Variants in NRG1 observed in about 807,000 individuals in gnomAD.
NRG1 encodes pro-neuregulin-1, membrane-bound isoform.
NRG1 carries 18 observed loss-of-function variants against 63.8 expected under a neutral mutation model. That is an observed-to-expected ratio of 0.28 (90% CI 0.19 to 0.42). The LOEUF is 0.42. Ranked by LOEUF, NRG1 falls within the 10% of genes least tolerant of loss-of-function variation. NRG1 has a pLI of 1.00. For missense variants in NRG1, 762 were observed against 814.7 expected (o/e 0.94, Z 0.79); for synonymous variants, 302 against 301.3 (o/e 1.00, Z -0.02).
At chr8:31,845,739 G>T (rs901389662) in intron 1 of NRG1, among the ~76,000 whole-genome samples, 5 of 152,140 alleles carry the variant, frequency 3.3e-5, no homozygotes, top group African/African-American at 1.2e-4. Context: ...ATACATTTGA[G>T]ACACATTTTC....
intron 1 of NRG1, among the ~76,000 whole-genome samples, chr8:32,433,759 T>G (rs1818453630): frequency 6.6e-6 from 1 of 152,154 alleles, no homozygotes; most frequent in Non-Finnish European, 1.5e-5. Flanking sequence ...ATTTTCAGTC[T>G]CAGTAGGACT....
chr8:32,286,512 T>C (rs1210616688), intron 1 of NRG1, among the ~76,000 whole-genome samples: 3 of 152,184 alleles, frequency 2.0e-5, no homozygotes, highest in South Asian at 4.1e-4. Context: ...TGGGGCTTAA[T>C]AGGAGGTGTG....
At chr8:32,230,194 C>T (rs955783625) in intron 1 of NRG1, among the ~76,000 whole-genome samples, 2 of 152,134 alleles carry the variant, frequency 1.3e-5, no homozygotes, top group South Asian at 2.1e-4. Flanking sequence ...CGAACTACAA[C>T]TGTGGAAAAC....
At chr8:31,742,454 A>ATTTTTTTTT (rs1563349398) in intron 1 of NRG1, among the ~76,000 whole-genome samples, 1 of 43,252 alleles carries the variant, frequency 2.3e-5, no homozygotes, top group African/African-American at 8.1e-5. Flanking sequence ...CTTTTTTAAG[A>ATTTTTTTTT]ATTTTTTTTT....
At chr8:32,091,114 T>TA (rs1355465721) in intron 1 of NRG1, among the ~76,000 whole-genome samples, 1 of 151,916 alleles carries the variant, frequency 6.6e-6, no homozygotes, top group Non-Finnish European at 1.5e-5. Flanking sequence ...CTGTCTCTAC[T>TA]AAAAATACAA....
intron 1 of NRG1, chr8:31,639,726 G>GT (rs112878545): frequency 6.6e-6 from 9 of 1,362,460 alleles, no homozygotes; most frequent in South Asian, 1.8e-5. Context: ...GGCGGCAGCG[G>GT]TTTTTTTGCC....
At chr8:31,960,282 A>T (rs1273953241) in intron 1 of NRG1, among the ~76,000 whole-genome samples, 11 of 152,126 alleles carry the variant, frequency 7.2e-5, no homozygotes. Context: ...GCTATCCTTT[A>T]TGAGGTTGGG....
chr8:32,248,646 A>G (rs1374208768), intron 1 of NRG1, among the ~76,000 whole-genome samples: 1 of 152,050 alleles, frequency 6.6e-6, no homozygotes, highest in Non-Finnish European at 1.5e-5. Flanking sequence ...GCTCCAAAAT[A>G]TTAGTACCAT....
intron 5 of NRG1, among the ~76,000 whole-genome samples, chr8:32,686,205 A>T (rs758035155): frequency 3.9e-4 from 60 of 152,194 alleles, no homozygotes; most frequent in Non-Finnish European, 7.5e-4. Context: ...ACTTCTTTCC[A>T]TAAGAAGACA....
At chr8:32,263,159 G>C (rs928615381) in intron 1 of NRG1, among the ~76,000 whole-genome samples, 1 of 152,132 alleles carries the variant, frequency 6.6e-6, no homozygotes, top group Non-Finnish European at 1.5e-5. Context: ...GACAGACACT[G>C]TGCTCCACAT....
At chr8:31,735,006 G>A (rs1201416020) in intron 1 of NRG1, among the ~76,000 whole-genome samples, 1 of 152,032 alleles carries the variant, frequency 6.6e-6, no homozygotes, top group East Asian at 1.9e-4. Flanking sequence ...ATGGACACCT[G>A]GACACAGGCT....
intron 5 of NRG1, among the ~76,000 whole-genome samples, chr8:32,694,151 C>G (rs1053570235): frequency 2.6e-5 from 4 of 152,190 alleles, no homozygotes; most frequent in Admixed American, 6.5e-5. Flanking sequence ...CTTTAATCTT[C>G]CATTCTGCCT....
chr8:32,652,708 A>T (rs1855390758), intron 5 of NRG1, among the ~76,000 whole-genome samples: 1 of 151,918 alleles, frequency 6.6e-6, no homozygotes, highest in East Asian at 2.0e-4. Flanking sequence ...TTTCTTAATG[A>T]CATAATTAAA....
chr8:32,076,360 A>G (rs558837046), intron 1 of NRG1, among the ~76,000 whole-genome samples: 7 of 152,350 alleles, frequency 4.6e-5, no homozygotes, highest in Non-Finnish European at 7.3e-5. Context: ...ATGGATAAAT[A>G]AACTAAAAAG....
chr8:32,677,229 A>G (rs1807361086), intron 5 of NRG1, among the ~76,000 whole-genome samples: 1 of 152,226 alleles, frequency 6.6e-6, no homozygotes, highest in African/African-American at 2.4e-5. Flanking sequence ...TCTTTCCCAA[A>G]TACTGCCTAA....
At chr8:32,164,451 G>A (rs1237982903) in intron 1 of NRG1, among the ~76,000 whole-genome samples, 1 of 152,182 alleles carries the variant, frequency 6.6e-6, no homozygotes, top group African/African-American at 2.4e-5. Context: ...TCCAGCCAAT[G>A]AAAGTAGATA....
intron 1 of NRG1, among the ~76,000 whole-genome samples, chr8:31,997,356 C>T (rs6983358): frequency 0.63 from 95,446 of 151,708 alleles, 31,188 homozygotes; most frequent in South Asian, 0.73. Context: ...GTAGAAGTAA[C>T]AGCAGGATTG....
At chr8:31,896,251 T>C (rs1831569957) in intron 1 of NRG1, among the ~76,000 whole-genome samples, 1 of 152,196 alleles carries the variant, frequency 6.6e-6, no homozygotes, top group Non-Finnish European at 1.5e-5. Context: ...CACCTTTTCA[T>C]TCATGTTTTA....
intron 1 of NRG1, among the ~76,000 whole-genome samples, chr8:31,885,272 A>G (rs984362567): frequency 1.3e-5 from 2 of 152,142 alleles, no homozygotes; most frequent in African/African-American, 4.8e-5. Flanking sequence ...TGGTTGTGGA[A>G]ATAACAGCAC....
Sources: allele counts gnomAD v4.1 joint callset (sites outside exome capture counted in the v4.1 genomes callset), GRCh38; gene constraint gnomAD v4.1.1; transcripts MANE v1.5; gene names NCBI Gene and HGNC (gene_info 2026-07-23, HGNC 2026-07-21).